The following PCDHGC3 variants were observed in gnomAD, a reference collection of about 807,000 sequenced individuals.
The protein encoded by PCDHGC3 is protocadherin gamma subfamily C, 3, also known as protocadherin gamma-C3.
Under a neutral mutation model 59.2 loss-of-function variants are expected in PCDHGC3, and 26 were observed. The observed-to-expected ratio is 0.44, with a 90% confidence interval of 0.32 to 0.61. The LOEUF (loss-of-function observed/expected upper bound fraction) is 0.61. Ranked by LOEUF, PCDHGC3 falls within the 20% of genes least tolerant of loss-of-function variation. The pLI, the probability that PCDHGC3 is intolerant of heterozygous loss-of-function variation, is 0.05. For synonymous variants in PCDHGC3, 487 were observed against 519.7 expected (o/e 0.94, Z 0.86); for missense variants, 1,080 against 1,221.8 (o/e 0.88, Z 1.73).
At chr5:141,506,865 G>T (rs1403350484) in intron 3 of PCDHGC3, among the ~76,000 whole-genome samples, 1 of 152,186 alleles carries the variant, frequency 6.6e-6, no homozygotes, top group African/African-American at 2.4e-5. Flanking sequence ...GGACTGGTGG[G>T]TAGAGAACCA....
In PCDHGC3 at chr5:141,477,085, G is replaced by A. The variant is rs1420972762; in HGVS notation, c.969G>A (p.Gln323=). The change falls in exon 1 of 4, where the codon CAG becomes CAA. Residue 323 remains glutamine, a synonymous_variant. Coordinates refer to ENST00000308177, the MANE Select transcript of PCDHGC3 (RefSeq NM_002588.4). This position sits in a 1 kb window ranked among gnomAD's most constrained non-coding sequence, Gnocchi z 4.9. The part of the protein sequence containing the change: ...EDTKLHEIYI[Q]AKDKGANPEG... ...CCAAACTCCATGAGATTTACATCCAGGCCAAAGACAAGGGCGCCAATCCCG... is the reference window on the plus strand; with the variant it reads ...CCAAACTCCATGAGATTTACATCCAAGCCAAAGACAAGGGCGCCAATCCCG... 1 of 1,614,262 alleles carries A rather than the reference G, an allele frequency of 6.2e-7. No individual in the cohort carries two copies. The highest frequency in any genetic ancestry group is 1.7e-5 in the Admixed American group (1 of 60,034).
At position 141,508,670 on chromosome 5, in the gene PCDHGC3, C is replaced by A. The variant is rs184838473; in HGVS notation, c.2579-2277C>A. The stretch of plus-strand genomic sequence containing the variant: ...GGCCCTTCCTGTCATTCTGTCTCTG[C>A]CTCCCTTCTCCCTGCTTCTCCGTGT... On this transcript the variant is annotated intron_variant, in intron 3 of 3. Coordinates refer to ENST00000308177, the MANE Select transcript of PCDHGC3 (RefSeq NM_002588.4). Among the ~76,000 whole-genome samples the A allele has an allele frequency of 3.7e-3, 564 of 152,202 alleles. 5 individuals are homozygous for A. The highest frequency in any genetic ancestry group is 0.011 in the Admixed American group (164 of 15,294).
rs1431906047 is a variant in PCDHGC3, at chr5:141,485,858, C to T, written c.2430+7312C>T. On this transcript the variant is annotated intron_variant, in intron 1 of 3. Transcript: ENST00000308177. This position sits in a 1 kb window ranked among gnomAD's most constrained non-coding sequence, Gnocchi z 5.7. ...GCCGAGATCTGGCACCGCAGAGCTC[C>T]GGGTATCCGTGCTGGACGTAAACGA... The T allele has an allele frequency of 1.9e-6, 3 of 1,614,162 alleles. No individual in the cohort carries two copies. The highest frequency in any genetic ancestry group is 2.5e-6 in the Non-Finnish European group (3 of 1,180,028).
At chr5:141,497,209 TG>T (rs11343387) in intron 2 of PCDHGC3, among the ~76,000 whole-genome samples, 90,704 of 151,262 alleles carry the variant, frequency 0.6, 29,397 homozygotes, top group African/African-American at 0.86. Context: ...GTGAGTGTAA[TG>T]GGGGGGGGAA....
chr5:141,510,814 C>CA, intron 3 of PCDHGC3, 133 bp from the exon 4 acceptor site: 1 of 1,544,688 alleles, frequency 6.5e-7, no homozygotes, highest in Admixed American at 1.8e-5. Flanking sequence ...TTGGTGACCC[C>CA]TATATTCCCA....
chr5:141,489,073 C>A lies in PCDHGC3; in HGVS notation c.2431-5734C>A, dbSNP rs2099681983. 3.2e-6 allele frequency: 1 copy of A among 315,630 alleles called. No individual in the cohort carries two copies. The highest frequency in any genetic ancestry group is 5.7e-6 in the Non-Finnish European group (1 of 173,976). 19.6% of individuals were successfully genotyped at this position (315,630 alleles called of 1,614,324 possible). A position where few individuals can be genotyped will look rare whatever the true frequency, so the allele number is the denominator to read the frequency against. ...ATTCAGCTCCCCTCCCCCCTGCCCA[C>A]CCCCGCCACTCGGTGACTAAGAACT... On this transcript the variant is annotated intron_variant, in intron 1 of 3. Coordinates refer to ENST00000308177, the MANE Select transcript of PCDHGC3 (RefSeq NM_002588.4). The surrounding 1 kb of genome is among the most constrained non-coding windows in gnomAD (Gnocchi z 4.5).
chr5:141,511,265 A>C lies in PCDHGC3; in HGVS notation c.*92A>C. The C allele has an allele frequency of 6.4e-7, 1 of 1,551,730 alleles. No individual in the cohort carries two copies. Among genetic ancestry groups the C allele is most frequent in the Non-Finnish European group, 8.7e-7 (1 of 1,148,178 alleles). ...ACCCAGGCCTCAGAGTTTCAGGGCT[A>C]ACCCCCAGAATACTGGTAGGGGCCA... On this transcript the variant is annotated 3_prime_UTR_variant, in exon 4 of 4. Coordinates refer to ENST00000308177, the MANE Select transcript of PCDHGC3 (RefSeq NM_002588.4).
Position 141,489,510 on chromosome 5 carries a change from T to A in PCDHGC3, c.2431-5297T>A, listed in dbSNP as rs762210983. 1 of 1,614,124 alleles carries A rather than the reference T, an allele frequency of 6.2e-7. No individual in the cohort carries two copies. The highest frequency in any genetic ancestry group is 1.7e-5 in the Admixed American group (1 of 60,022). On this transcript the variant is annotated intron_variant, in intron 1 of 3. Transcript: ENST00000308177. This position sits in a 1 kb window ranked among gnomAD's most constrained non-coding sequence, Gnocchi z 4.5. Reference sequence around the variant, plus strand: ...GTGCCCTGGCAGTGAATCAAAAGATTGACCGAGAAAGCCTATGTGGAGCCA... The same window carrying A: ...GTGCCCTGGCAGTGAATCAAAAGATAGACCGAGAAAGCCTATGTGGAGCCA...
intron 2 of PCDHGC3, among the ~76,000 whole-genome samples, chr5:141,502,654 C>G (rs1424933188): frequency 6.6e-6 from 1 of 152,112 alleles, no homozygotes; most frequent in African/African-American, 2.4e-5. Context: ...TAGGCAGCAA[C>G]CCTTCATGCA....
At position 141,477,924 on chromosome 5, in the gene PCDHGC3, A is replaced by G; in HGVS notation, c.1808A>G (p.Asn603Ser). 1 of 1,614,140 alleles carries G rather than the reference A, an allele frequency of 6.2e-7. No homozygotes were observed. The change falls in exon 1 of 4, where the codon AAT (asparagine) becomes AGT (serine). Residue 603 changes from asparagine (N) to serine (S), a missense_variant. Transcript: ENST00000308177. The surrounding 1 kb of genome is among the most constrained non-coding windows in gnomAD (Gnocchi z 4.9). ...VVGWDADAGHNAWLSYSLLGS... is the reference protein window; with the variant it reads ...VVGWDADAGHSAWLSYSLLGS... ...GGCTGGGACGCGGATGCAGGGCACA[A>G]TGCCTGGCTCTCCTACAGTCTCTTG...
At position 141,483,010 on chromosome 5, in the gene PCDHGC3, G is replaced by A. The variant is rs574078222; in HGVS notation, c.2430+4464G>A. Among the ~76,000 whole-genome samples the A allele has an allele frequency of 1.3e-3, 204 of 152,122 alleles. 1 individual carries two copies. Among genetic ancestry groups the A allele is most frequent in the African/African-American group, 4.0e-3 (168 of 41,498 alleles). On this transcript the variant is annotated intron_variant, in intron 1 of 3. Coordinates refer to ENST00000308177, the MANE Select transcript of PCDHGC3 (RefSeq NM_002588.4). Reference sequence around the variant, plus strand: ...CGAGGCAGGAGAATTGCTTGAACCCGGGAGGCAGAGGTTGCAATGAGCTGG... The same window carrying A: ...CGAGGCAGGAGAATTGCTTGAACCCAGGAGGCAGAGGTTGCAATGAGCTGG...
intron 1 of PCDHGC3, among the ~76,000 whole-genome samples, chr5:141,479,107 G>A (rs1212999480): frequency 6.6e-6 from 1 of 152,090 alleles, no homozygotes; most frequent in Non-Finnish European, 1.5e-5. Flanking sequence ...TTTATTTCAA[G>A]CATTCTACTG....
rs1404656316 is a variant in PCDHGC3 at position 141,486,648 on chromosome 5, A to G, written c.2430+8102A>G. 6.2e-7 allele frequency: 1 copy of G among 1,613,298 alleles called. No individual in the cohort carries two copies. The highest frequency in any genetic ancestry group is 8.5e-7 in the Non-Finnish European group (1 of 1,179,892). The stretch of plus-strand genomic sequence containing the variant: ...TCTGGCTTGAATGCGCTTATCTCCT[A>G]CTCACTCCTGGAGCCCAGGAATCGA... On this transcript the variant is annotated intron_variant, in intron 1 of 3. Coordinates refer to ENST00000308177, the MANE Select transcript of PCDHGC3 (RefSeq NM_002588.4). This position sits in a 1 kb window ranked among gnomAD's most constrained non-coding sequence, Gnocchi z 5.0.
chr5:141,510,420 G>A (rs1275392355), intron 3 of PCDHGC3, among the ~76,000 whole-genome samples: 2 of 152,126 alleles, frequency 1.3e-5, no homozygotes, highest in Non-Finnish European at 2.9e-5. Flanking sequence ...TAAAGCCATG[G>A]TTTCATGGCT....
At chr5:141,505,977 G>A (rs944259753) in intron 3 of PCDHGC3, among the ~76,000 whole-genome samples, 1 of 152,150 alleles carries the variant, frequency 6.6e-6, no homozygotes, top group East Asian at 1.9e-4. Flanking sequence ...CCAGCCGAGA[G>A]AACACCTCCT....
Position 141,489,384 on chromosome 5 carries a change from T to C in PCDHGC3, c.2431-5423T>C, listed in dbSNP as rs2099686499. The stretch of plus-strand genomic sequence containing the variant: ...AGCCGGGGACGCTGGTGGGGAATGT[T>C]GCTCAGGATCTGGGCTTAAAGATGA... On this transcript the variant is annotated intron_variant, in intron 1 of 3. Transcript: ENST00000308177. The surrounding 1 kb of genome is among the most constrained non-coding windows in gnomAD (Gnocchi z 4.5). 1 of 1,613,986 alleles carries C rather than the reference T, an allele frequency of 6.2e-7. No individual in the cohort carries two copies. The highest frequency in any genetic ancestry group is 8.5e-7 in the Non-Finnish European group (1 of 1,179,842).
rs750804901 is a variant in PCDHGC3, at chr5:141,476,422, C to T, written c.306C>T (p.Pro102=). ...LDREELCGTL[P]SCTVTLELVV... ...GAGAGGAGCTGTGTGGGACACTGCC[C>T]TCTTGCACTGTAACTCTGGAGTTGG... Residue 102 remains proline (P), a synonymous_variant, in exon 1 of 4, where the codon CCC becomes CCT. Transcript: ENST00000308177. The surrounding 1 kb of genome is among the most constrained non-coding windows in gnomAD (Gnocchi z 7.6). The T allele has an allele frequency of 1.7e-5, 28 of 1,614,026 alleles. No homozygotes were observed. Among genetic ancestry groups the T allele is most frequent in the East Asian group, 2.2e-5 (1 of 44,860 alleles).
intron 1 of PCDHGC3, among the ~76,000 whole-genome samples, chr5:141,482,811 C>T (rs1397161943): frequency 2.0e-5 from 3 of 152,164 alleles, no homozygotes; most frequent in Non-Finnish European, 4.4e-5. Context: ...GTGGCTCATG[C>T]CTGTAATCCT....
rs202185809 is a variant in PCDHGC3, at chr5:141,478,164, C to A, written c.2048C>A (p.Pro683His). ...GCCGAGTTCCCCTCTGGCTCTGCCC[C>A]CCGGGAGCAGAAAAAAAATCTCACC... ...ARAEFPSGSA[P>H]REQKKNLTFY... The change falls in exon 1 of 4, where the codon CCC becomes CAC. Residue 683 changes from proline (P) to histidine (H), a missense_variant. Coordinates refer to ENST00000308177, the MANE Select transcript of PCDHGC3 (RefSeq NM_002588.4). 1.2e-6 allele frequency: 2 copies of A among 1,614,010 alleles called. No homozygotes were observed. The highest frequency in any genetic ancestry group is 1.3e-5 in the African/African-American group (1 of 75,050).
Sources: gnomAD v4.1 joint callset for allele counts (sites outside exome capture counted in the v4.1 genomes callset) on GRCh38, gnomAD v4.1.1 for gene constraint, Gnocchi (gnomAD v3.1) non-coding constraint, MANE v1.5 for transcripts, NCBI Gene and HGNC (gene_info 2026-07-23, HGNC 2026-07-21) for gene names.